The following ST18 variants were observed in gnomAD, a reference collection of about 807,000 sequenced individuals.
ST18 encodes suppression of tumorigenicity 18 protein.
In ST18, 50 loss-of-function variants were observed where a neutral mutation model predicts 110.0. The observed-to-expected ratio is 0.45, with a 90% CI of 0.36 to 0.58. The LOEUF (loss-of-function observed/expected upper bound fraction) is 0.58, where lower values mean the gene tolerates loss of function less well. Ranked by LOEUF, ST18 falls within the 20% of genes least tolerant of loss-of-function variation. The pLI, the probability that ST18 is intolerant of heterozygous loss-of-function variation, is 0.00. For synonymous variants in ST18, 461 were observed against 452.4 expected, an observed-to-expected ratio of 1.02 and a Z score of -0.24; for missense variants, 1,306 against 1,280.1, an observed-to-expected ratio of 1.02 and a Z score of -0.31.
At chr8:52,217,541 G>A (rs1378230112) in intron 6 of ST18, among the ~76,000 whole-genome samples, 1 of 152,100 alleles carries the variant, frequency 6.6e-6, no homozygotes, top group African/African-American at 2.4e-5. Context: ...GGGGAGAGGG[G>A]TGAATGCAAG....
intron 19 of ST18, among the ~76,000 whole-genome samples, chr8:52,133,509 T>C (rs1229770195): frequency 3.3e-5 from 5 of 152,144 alleles, no homozygotes; most frequent in Non-Finnish European, 7.4e-5. Flanking sequence ...AATATAATTA[T>C]CTTTTGGTTA....
At chr8:52,396,945 G>A (rs1177923246) in intron 2 of ST18, among the ~76,000 whole-genome samples, 1 of 152,100 alleles carries the variant, frequency 6.6e-6, no homozygotes, top group Non-Finnish European at 1.5e-5. Flanking sequence ...ATGAATATTT[G>A]CATCATTCAA....
intron 23 of ST18, among the ~76,000 whole-genome samples, chr8:52,120,152 C>G (rs543097930): frequency 2.0e-5 from 3 of 152,100 alleles, no homozygotes; most frequent in Non-Finnish European, 4.4e-5. Context: ...TGTGCAGGTA[C>G]AGGGATCTCC....
At chr8:52,283,296 AG>A (rs2095417267) in intron 2 of ST18, among the ~76,000 whole-genome samples, 3 of 152,184 alleles carry the variant, frequency 2.0e-5, no homozygotes, top group Non-Finnish European at 4.4e-5. Context: ...ATTGAAATGG[AG>A]ATGCTGAGAA....
At chr8:52,218,878 G>T (rs2085498842) in intron 5 of ST18, among the ~76,000 whole-genome samples, 1 of 152,122 alleles carries the variant, frequency 6.6e-6, no homozygotes, top group Non-Finnish European at 1.5e-5. Context: ...GCAATGGTGG[G>T]AGGAAGATCT....
intron 2 of ST18, among the ~76,000 whole-genome samples, chr8:52,307,536 A>C (rs2095834601): frequency 6.6e-6 from 1 of 152,226 alleles, no homozygotes; most frequent in African/African-American, 2.4e-5. Context: ...CACCCACTGC[A>C]TAACTTTAAA....
intron 2 of ST18, among the ~76,000 whole-genome samples, chr8:52,378,924 G>C (rs1833436464): frequency 3.3e-5 from 5 of 152,054 alleles, no homozygotes; most frequent in Admixed American, 3.3e-4. Context: ...AAGAACCACA[G>C]TCATTATGAG....
chr8:52,218,529 AGG>A (rs1306523304), intron 5 of ST18, among the ~76,000 whole-genome samples: 1 of 147,028 alleles, frequency 6.8e-6, no homozygotes, highest in Non-Finnish European at 1.5e-5. Context: ...CTGGGATTAC[AGG>A]TATGTGTCAC....
At chr8:52,114,401 G>A (rs1405800820) in intron 25 of ST18, among the ~76,000 whole-genome samples, 1 of 152,148 alleles carries the variant, frequency 6.6e-6, no homozygotes, top group Admixed American at 6.5e-5. Flanking sequence ...ATGCTACTCA[G>A]TCATTTCTGT....
chr8:52,150,176 T>G (rs530329213), intron 15 of ST18, among the ~76,000 whole-genome samples, 199 bp from the exon 16 acceptor site: 2 of 152,316 alleles, frequency 1.3e-5, no homozygotes, highest in South Asian at 4.2e-4. Context: ...GAGCTTTGTG[T>G]TTCTGGGTTT....
intron 2 of ST18, among the ~76,000 whole-genome samples, chr8:52,289,297 A>G (rs1166716847): frequency 6.6e-6 from 1 of 152,156 alleles, no homozygotes; most frequent in African/African-American, 2.4e-5. Context: ...CCGTGTCTAC[A>G]AAAATACAAA....
At chr8:52,280,392 CT>C (rs1172123225) in intron 2 of ST18, among the ~76,000 whole-genome samples, 1 of 151,862 alleles carries the variant, frequency 6.6e-6, no homozygotes, top group Non-Finnish European at 1.5e-5. Context: ...TCTTTATAAT[CT>C]ATGTACACAT....
chr8:52,170,832 G>C (rs1018331758), intron 10 of ST18, among the ~76,000 whole-genome samples: 2 of 152,196 alleles, frequency 1.3e-5, no homozygotes, highest in Non-Finnish European at 2.9e-5. Context: ...TTGCAGGTGA[G>C]TGCTAAAATG....
chr8:52,312,627 A>G (rs1198678399), intron 2 of ST18, among the ~76,000 whole-genome samples: 1 of 152,220 alleles, frequency 6.6e-6, no homozygotes, highest in Non-Finnish European at 1.5e-5. Flanking sequence ...GTCACATGAT[A>G]TTGATGCAGT....
intron 2 of ST18, among the ~76,000 whole-genome samples, chr8:52,289,135 C>A (rs1303246176): frequency 6.6e-6 from 1 of 152,208 alleles, no homozygotes; most frequent in East Asian, 1.9e-4. Flanking sequence ...AGATACTACC[C>A]CTCTACGGAT....
At chr8:52,316,172 C>A (rs1335794592) in intron 2 of ST18, among the ~76,000 whole-genome samples, 1 of 152,128 alleles carries the variant, frequency 6.6e-6, no homozygotes, top group East Asian at 1.9e-4. Flanking sequence ...TGTGAATATA[C>A]CAATGTTTAT....
intron 8 of ST18, among the ~76,000 whole-genome samples, chr8:52,207,802 T>C (rs889552564): frequency 5.3e-5 from 8 of 152,338 alleles, no homozygotes; most frequent in Middle Eastern, 3.4e-3. Context: ...GGGGCTAGAA[T>C]ATATTTTCCT....
At chr8:52,162,240 A>G (rs1275374562) in intron 13 of ST18, among the ~76,000 whole-genome samples, 1 of 152,220 alleles carries the variant, frequency 6.6e-6, no homozygotes, top group Non-Finnish European at 1.5e-5. Context: ...TGTTACCATC[A>G]GTAAATACTG....
At chr8:52,215,297 T>C (rs948533695) in intron 6 of ST18, among the ~76,000 whole-genome samples, 1 of 152,268 alleles carries the variant, frequency 6.6e-6, no homozygotes, top group East Asian at 1.9e-4. Context: ...ATAAACCTTT[T>C]ATGTGCCACA....
Sources: allele counts gnomAD v4.1 joint callset (sites outside exome capture counted in the v4.1 genomes callset), GRCh38; gene constraint gnomAD v4.1.1; transcripts MANE v1.5; gene names NCBI Gene and HGNC (gene_info 2026-07-23, HGNC 2026-07-21).